Variants in ZNF157 observed in about 807,000 individuals in gnomAD.
The protein encoded by ZNF157 is zinc finger protein 157.
A neutral mutation model predicts 9.4 loss-of-function variants in ZNF157; 8 were observed. That is an observed-to-expected ratio of 0.85 (90% CI 0.50 to 1.53). The LOEUF (loss-of-function observed/expected upper bound fraction) is 1.53. ZNF157 is among the 40% of genes most tolerant of loss of function. The pLI, the probability that ZNF157 is intolerant of heterozygous loss-of-function variation, is 0.00. For synonymous variants in ZNF157, 120 were observed against 130.8 expected (o/e 0.92, Z 0.56); for missense variants, 316 against 385.2 (o/e 0.82, Z 1.50).
At chrX:47,372,652 G>A (rs2055832337) in intron 1 of ZNF157, among the ~76,000 whole-genome samples, 1 of 108,671 alleles carries the variant, frequency 9.2e-6, no homozygotes, top group Non-Finnish European at 1.9e-5. Flanking sequence ...ATGCCACCAC[G>A]CCCAGCTAAT....
At chrX:47,380,974 G>T (rs1307656865) in intron 1 of ZNF157, among the ~76,000 whole-genome samples, 3 of 99,590 alleles carry the variant, frequency 3.0e-5, no homozygotes, top group African/African-American at 1.1e-4. Context: ...GGAGGAGCAG[G>T]AGGAGGAGGA....
In ZNF157 at chrX:47,412,999, A is replaced by G. The variant is rs781689979; in HGVS notation, c.926A>G (p.Lys309Arg). ...EKPYECGECG[K>R]NFRAKKSLNQ... ...CCTTATGAATGTGGGGAGTGTGGGA[A>G]AAACTTCCGTGCAAAGAAATCCCTA... The change falls in exon 4 of 4, where the codon AAA becomes AGA. Residue 309 changes from lysine to arginine, a missense_variant. This residue lies in a region of ZNF157 where 167 missense variants were observed against 183.6 expected (regional missense o/e 0.91). Coordinates refer to ENST00000377073, the MANE Select transcript of ZNF157 (RefSeq NM_003446.4). 2.5e-6 allele frequency: 3 copies of G among 1,210,586 alleles called. No individual in the cohort carries two copies.
intron 1 of ZNF157, among the ~76,000 whole-genome samples, chrX:47,380,690 AGACT>A (rs2055858892): frequency 1.8e-5 from 2 of 111,380 alleles, no homozygotes; most frequent in Non-Finnish European, 3.8e-5. Context: ...ATCTGTTGAG[AGACT>A]GCCTTTCCCT....
rs7060956 is a variant in ZNF157, at chrX:47,401,984, G to A, written c.73-8292G>A. On this transcript the variant is annotated intron_variant, in intron 1 of 3. Coordinates refer to ENST00000377073, the MANE Select transcript of ZNF157 (RefSeq NM_003446.4). ...ACTCCTGGGCTCAAGCAGTCCTCCC[G>A]CTTCGGCCTCTCAAAGTGCTGGGAT... 2.0e-3 allele frequency among the ~76,000 whole-genome samples: 218 copies of A among 111,122 alleles called. 1 individual carries two copies. The highest frequency in any genetic ancestry group is 6.9e-3 in the African/African-American group (212 of 30,587).
chrX:47,370,869 A>G, intron 1 of ZNF157, 129 bp downstream of exon 1: 1 of 564,364 alleles, frequency 1.8e-6, no homozygotes, highest in Non-Finnish European at 2.7e-6. Context: ...TGTCCCCAGT[A>G]GTAACATCTC....
At chrX:47,377,203 C>T (rs984746410) in intron 1 of ZNF157, among the ~76,000 whole-genome samples, 270 of 109,116 alleles carry the variant, frequency 2.5e-3, no homozygotes, top group Non-Finnish European at 3.5e-3. Flanking sequence ...TCAGCACTCC[C>T]GGCTTACACT....
intron 3 of ZNF157, 117 bp downstream of exon 3, chrX:47,410,892 G>A: frequency 1.7e-6 from 1 of 583,623 alleles, no homozygotes; most frequent in Non-Finnish European, 2.7e-6. Context: ...AGAGTTCCTA[G>A]CTCTTTGAAA....
At chrX:47,373,232 T>C (rs902447679) in intron 1 of ZNF157, among the ~76,000 whole-genome samples, 5 of 110,817 alleles carry the variant, frequency 4.5e-5, no homozygotes, top group African/African-American at 1.6e-4. Context: ...TCAGTAAACA[T>C]AGTCAGTTTT....
At chrX:47,404,643 T>C (rs1302273265) in intron 1 of ZNF157, among the ~76,000 whole-genome samples, 1 of 111,411 alleles carries the variant, frequency 9.0e-6, no homozygotes, top group Non-Finnish European at 1.9e-5. Flanking sequence ...ATTATCTATA[T>C]ATAAATGAGT....
chrX:47,370,870 G>T, intron 1 of ZNF157, 130 bp downstream of exon 1: 1 of 520,722 alleles, frequency 1.9e-6, no homozygotes, highest in Non-Finnish European at 3.0e-6. Flanking sequence ...GTCCCCAGTA[G>T]TAACATCTCG....
chrX:47,400,352 G>T (rs2055927118), intron 1 of ZNF157, among the ~76,000 whole-genome samples: 1 of 109,951 alleles, frequency 9.1e-6, no homozygotes, highest in Non-Finnish European at 1.9e-5. Flanking sequence ...TAGAGACAGG[G>T]TCTAGCTATG....
chrX:47,382,282 CTTTTTT>C (rs764704009), intron 1 of ZNF157, among the ~76,000 whole-genome samples: 5 of 53,355 alleles, frequency 9.4e-5, no homozygotes, highest in Admixed American at 2.9e-4. Context: ...TTCAACAGAA[CTTTTTT>C]TTTTTTTTTT....
chrX:47,410,654 C>T lies in ZNF157; in HGVS notation c.200-26C>T, dbSNP rs376969065. 9 of 1,172,381 alleles carry T rather than the reference C, an allele frequency of 7.7e-6. No individual in the cohort carries two copies. The African/African-American group carries it at 8.9e-5, about 12-fold the overall frequency. ...CCTAGAGCTCAGACAACTTGGCCCA[C>T]GTCCTGTGCCATTTCCCATTAACAG... On this transcript the variant is annotated intron_variant, in intron 2 of 3. Coordinates refer to ENST00000377073, the MANE Select transcript of ZNF157 (RefSeq NM_003446.4).
At chrX:47,407,736 C>T (rs2055951522) in intron 1 of ZNF157, among the ~76,000 whole-genome samples, 1 of 109,846 alleles carries the variant, frequency 9.1e-6, no homozygotes, top group Admixed American at 9.9e-5. Context: ...ACTGCAACCT[C>T]CACCTCCCGG....
chrX:47,388,244 G>A (rs1258975559), intron 1 of ZNF157, among the ~76,000 whole-genome samples: 2 of 109,206 alleles, frequency 1.8e-5, no homozygotes, highest in Non-Finnish European at 3.8e-5. Context: ...TTGTCATCAC[G>A]CCCAGCTAAT....
intron 1 of ZNF157, among the ~76,000 whole-genome samples, chrX:47,374,395 A>ATCTT (rs2055837254): frequency 1.1e-5 from 1 of 90,915 alleles, no homozygotes; most frequent in Non-Finnish European, 2.1e-5. Flanking sequence ...TTAATAGACA[A>ATCTT]TCTTTTTTTT....
chrX:47,396,633 T>C (rs1006392640), intron 1 of ZNF157, among the ~76,000 whole-genome samples: 7 of 112,152 alleles, frequency 6.2e-5, no homozygotes, highest in South Asian at 3.7e-4. Context: ...CTTCTACCCA[T>C]TCCAGATCCC....
At chrX:47,376,772 G>A (rs371758424) in intron 1 of ZNF157, among the ~76,000 whole-genome samples, 2 of 111,710 alleles carry the variant, frequency 1.8e-5, no homozygotes, top group African/African-American at 6.5e-5. Context: ...GATCTAATCT[G>A]ATCAACCCCA....
At chrX:47,406,208 G>A (rs2055946530) in intron 1 of ZNF157, among the ~76,000 whole-genome samples, 1 of 110,480 alleles carries the variant, frequency 9.1e-6, no homozygotes, top group Non-Finnish European at 1.9e-5. Context: ...AGGATTATAG[G>A]TGTGAGCCAC....
Sources: allele counts gnomAD v4.1 joint callset (sites outside exome capture counted in the v4.1 genomes callset), GRCh38; gene constraint gnomAD v4.1.1; regional missense constraint gnomAD v4.1.1; transcripts MANE v1.5; gene names NCBI Gene and HGNC (gene_info 2026-07-23, HGNC 2026-07-21).